The following ZRSR2 variants were observed in gnomAD, a reference collection of about 807,000 sequenced individuals.
The protein encoded by ZRSR2 is zinc finger CCCH-type, RNA binding motif and serine/arginine rich 2.
Under a neutral mutation model 39.4 loss-of-function variants are expected in ZRSR2, and 3 were observed. The observed-to-expected ratio is 0.08, with a 90% confidence interval of 0.03 to 0.20. ZRSR2 has a LOEUF of 0.20. ZRSR2 is among the 10% of genes least tolerant of loss of function. The probability of loss-of-function intolerance (pLI) is 1.00; values close to 1 mark genes in which losing one functional copy is unlikely to be tolerated. For missense variants in ZRSR2, 256 were observed against 391.5 expected, an observed-to-expected ratio of 0.65 and a Z score of 2.92; for synonymous variants, 137 against 136.0, an observed-to-expected ratio of 1.01 and a Z score of -0.05.
At chrX:15,820,391 C>G (rs1203512346) in intron 10 of ZRSR2, 75 bp downstream of exon 10, 7 of 991,238 alleles carry the variant, frequency 7.1e-6, no homozygotes, top group Non-Finnish European at 9.9e-6. Flanking sequence ...GGGGGAAACC[C>G]AGTATTTTCA....
Position 15,818,459 on chromosome X carries a change from G to C in ZRSR2, c.772-128G>C, listed in dbSNP as rs188216225. ...CTTAAATAGATGCAAGAGTCAGCTA[G>C]TATCTCTATTTTGCAATCTTTGATT... On this transcript the variant is annotated intron_variant, in intron 8 of 10. Transcript: ENST00000307771. The C allele has an allele frequency of 2.5e-3, 1,382 of 545,544 alleles. 1 individual carries two copies. Among genetic ancestry groups the C allele is most frequent in the Non-Finnish European group, 3.1e-3 (1,060 of 340,249 alleles). The allele number at this position is 545,544 out of a possible 1,213,427, so 45.0% of individuals were successfully genotyped here.
chrX:15,802,825 A>G (rs1460916610), intron 3 of ZRSR2, among the ~76,000 whole-genome samples: 1 of 111,823 alleles, frequency 8.9e-6, no homozygotes, highest in Admixed American at 9.6e-5. Context: ...CATGATTACA[A>G]TGTACTTTTA....
chrX:15,819,263 G>C (rs1292012031), intron 9 of ZRSR2, among the ~76,000 whole-genome samples: 2 of 109,328 alleles, frequency 1.8e-5, no homozygotes, highest in Non-Finnish European at 3.8e-5. Flanking sequence ...CTTGAGGCCA[G>C]GAGTTCAAGA....
At chrX:15,818,754 T>G in intron 9 of ZRSR2, 112 bp downstream of exon 9, 2 of 615,535 alleles carry the variant, frequency 3.2e-6, no homozygotes, top group Non-Finnish European at 4.9e-6. Context: ...ATTTTATTTC[T>G]TATGTTTTTA....
chrX:15,806,355 G>A (rs1239077112), intron 5 of ZRSR2, among the ~76,000 whole-genome samples: 1 of 111,293 alleles, frequency 9.0e-6, no homozygotes, highest in African/African-American at 3.3e-5. Context: ...ATAATGGGAA[G>A]CCATTGAAGG....
intron 10 of ZRSR2, among the ~76,000 whole-genome samples, chrX:15,821,548 T>C (rs983456352): frequency 9.0e-6 from 1 of 110,799 alleles, no homozygotes. Context: ...AGATATTTTC[T>C]CCCATTTTGT....
In ZRSR2 at chrX:15,798,963, G is replaced by A. The variant is rs183027624; in HGVS notation, c.122-909G>A. On this transcript the variant is annotated intron_variant, in intron 2 of 10. Coordinates refer to ENST00000307771, the MANE Select transcript of ZRSR2 (RefSeq NM_005089.4). ...AGCACTTTGGGAGGCCGAGGCAGGCGGATCACGAGGTCAGGAGATTGAGAC... is the reference window on the plus strand; with the variant it reads ...AGCACTTTGGGAGGCCGAGGCAGGCAGATCACGAGGTCAGGAGATTGAGAC... Among the ~76,000 whole-genome samples, 215 of 111,266 alleles carry A rather than the reference G, an allele frequency of 1.9e-3. 1 individual carries two copies. The highest frequency in any genetic ancestry group is 9.2e-3 in the Middle Eastern group (2 of 217).
intron 7 of ZRSR2, 126 bp from the exon 8 acceptor site, chrX:15,815,551 C>T: frequency 1.8e-6 from 1 of 542,173 alleles, no homozygotes; most frequent in East Asian, 3.5e-5. Context: ...AGGTGATTCA[C>T]CCGCCTCGGC....
At chrX:15,821,197 C>T (rs1002074784) in intron 10 of ZRSR2, among the ~76,000 whole-genome samples, 11 of 110,708 alleles carry the variant, frequency 9.9e-5, no homozygotes, top group Admixed American at 6.7e-4. Context: ...TTTAAAGGCT[C>T]GGGGGATGGA....
chrX:15,795,508 C>G (rs1314712243), intron 2 of ZRSR2, among the ~76,000 whole-genome samples: 1 of 111,434 alleles, frequency 9.0e-6, no homozygotes, highest in Non-Finnish European at 1.9e-5. Flanking sequence ...AAATCCAGTT[C>G]CTTATTGGCA....
At chrX:15,815,197 G>A (rs1166115241) in intron 7 of ZRSR2, among the ~76,000 whole-genome samples, 4 of 112,745 alleles carry the variant, frequency 3.5e-5, no homozygotes, top group South Asian at 3.6e-4. Context: ...CCTCTTAAGC[G>A]CTGAAACTTG....
chrX:15,808,123 T>G, intron 5 of ZRSR2, 110 bp from the exon 6 acceptor site: 1 of 646,025 alleles, frequency 1.5e-6, no homozygotes, highest in South Asian at 2.3e-5. Flanking sequence ...CTAGAACTTG[T>G]GTGCGTGTGT....
At chrX:15,819,910 A>T (rs775198201) in intron 9 of ZRSR2, among the ~76,000 whole-genome samples, 1 of 112,284 alleles carries the variant, frequency 8.9e-6, no homozygotes, top group East Asian at 2.8e-4. Flanking sequence ...CTGAGAAAGA[A>T]TAGGCCCTAA....
chrX:15,809,806 T>A (rs767108733), intron 7 of ZRSR2, among the ~76,000 whole-genome samples: 1 of 109,791 alleles, frequency 9.1e-6, no homozygotes, highest in East Asian at 2.8e-4. Flanking sequence ...CAAGACCCTG[T>A]CTCAAAAAAG....
chrX:15,801,360 C>A, intron 3 of ZRSR2: 1 of 289,179 alleles, frequency 3.5e-6, no homozygotes, highest in South Asian at 3.2e-5. Context: ...TCCCGAGTAG[C>A]CGGGATTACA....
chrX:15,809,752 G>C (rs1569069699), intron 7 of ZRSR2, among the ~76,000 whole-genome samples: 1 of 111,246 alleles, frequency 9.0e-6, no homozygotes, highest in African/African-American at 3.3e-5. Flanking sequence ...CCAGGCTGCA[G>C]TAAGCTATGA....
chrX:15,822,037 C>T (rs1210322571), intron 10 of ZRSR2, among the ~76,000 whole-genome samples: 1 of 109,948 alleles, frequency 9.1e-6, no homozygotes, highest in East Asian at 2.8e-4. Context: ...GTCGCCCAGG[C>T]TGGAGTGCAG....
intron 8 of ZRSR2, among the ~76,000 whole-genome samples, chrX:15,816,465 A>G (rs763286543): frequency 8.0e-5 from 9 of 111,956 alleles, no homozygotes; most frequent in Admixed American, 2.9e-4. Context: ...GATTCTTTCA[A>G]TACTGAATAT....
intron 8 of ZRSR2, 56 bp from the exon 9 acceptor site, chrX:15,818,527 GATGA>G: frequency 9.6e-7 from 1 of 1,042,743 alleles, no homozygotes. Context: ...AACAACATTT[GATGA>G]ATGGCTGGTT....
Sources: allele counts gnomAD v4.1 joint callset (sites outside exome capture counted in the v4.1 genomes callset), GRCh38; gene constraint gnomAD v4.1.1; transcripts MANE v1.5; gene names NCBI Gene and HGNC (gene_info 2026-07-23, HGNC 2026-07-21).